CAPZB: variants seen among roughly 807,000 people sequenced by gnomAD.
CAPZB encodes capping actin protein of muscle Z-line subunit beta, also known as F-actin-capping protein subunit beta.
In CAPZB, 2 loss-of-function variants were observed where a neutral mutation model predicts 38.1. The ratio of observed to expected loss-of-function variants is 0.05; its 90% CI spans 0.02 to 0.17. The LOEUF (loss-of-function observed/expected upper bound fraction) is 0.17. Ranked by LOEUF, CAPZB falls within the 10% of genes least tolerant of loss-of-function variation. The pLI is 1.00. For missense variants in CAPZB, 161 were observed against 334.2 expected, an observed-to-expected ratio of 0.48 and a Z score of 4.04; for synonymous variants, 107 against 127.4, an observed-to-expected ratio of 0.84 and a Z score of 1.08.
At position 19,357,925 on chromosome 1, in the gene CAPZB, C is replaced by T. The variant is rs566279013; in HGVS notation, c.330-362G>A. On this transcript the variant is annotated intron_variant, in intron 4 of 8. Transcript: ENST00000264202. The surrounding 1 kb of genome is among the most constrained non-coding windows in gnomAD (Gnocchi z 4.3). The stretch of plus-strand genomic sequence containing the variant: ...CAGGCCATGACTACTGGAGTCACCA[C>T]GGTTGTTCGATATTTCTGTCTTTTG... Among the ~76,000 whole-genome samples the T allele has an allele frequency of 1.3e-5, 2 of 152,216 alleles. No homozygotes were observed. The highest frequency in any genetic ancestry group is 3.4e-3 in the Middle Eastern group (1 of 294).
chr1:19,459,835 C>T (rs937141609), intron 1 of CAPZB, among the ~76,000 whole-genome samples: 3 of 152,160 alleles, frequency 2.0e-5, no homozygotes, highest in Admixed American at 6.5e-5. Flanking sequence ...CCGCCCCAGA[C>T]GTAAATCATC....
At chr1:19,430,142 G>A (rs2094437342) in intron 1 of CAPZB, among the ~76,000 whole-genome samples, 1 of 152,118 alleles carries the variant, frequency 6.6e-6, no homozygotes, top group Admixed American at 6.5e-5. Context: ...ATCGAAACCA[G>A]ACAACTGTGG....
chr1:19,392,311 G>C (rs1185887831), intron 2 of CAPZB, among the ~76,000 whole-genome samples: 1 of 151,990 alleles, frequency 6.6e-6, no homozygotes, highest in Non-Finnish European at 1.5e-5. Flanking sequence ...AATGACCAAG[G>C]AGCCGGCCCT....
At chr1:19,466,969 T>C (rs897870280) in intron 1 of CAPZB, among the ~76,000 whole-genome samples, 8 of 152,162 alleles carry the variant, frequency 5.3e-5, no homozygotes, top group Admixed American at 5.2e-4. Flanking sequence ...GAGTTATTCA[T>C]AGGAAAAATC....
At position 19,452,062 on chromosome 1, in the gene CAPZB, T is replaced by C. The variant is rs963983626; in HGVS notation, c.4-32312A>G. 2.6e-5 allele frequency among the ~76,000 whole-genome samples: 4 copies of C among 152,056 alleles called. No homozygotes were observed. In the East Asian group the frequency reaches 7.7e-4, roughly 29 times the overall value. ...TGCCCCAACCCATCCTCTCTGCACA[T>C]CTGGGTCAGGGCAAGCTTTCCAAGA... On this transcript the variant is annotated intron_variant, in intron 1 of 8. Transcript: ENST00000264202.
chr1:19,348,912 C>T (rs547248560), intron 6 of CAPZB, among the ~76,000 whole-genome samples: 106 of 152,232 alleles, frequency 7.0e-4, no homozygotes, highest in African/African-American at 2.4e-3. Context: ...CTAGAAAGAC[C>T]GGCTTCTCTG....
intron 8 of CAPZB, among the ~76,000 whole-genome samples, chr1:19,341,426 G>A (rs1411679726): frequency 6.6e-6 from 1 of 152,200 alleles, no homozygotes; most frequent in Non-Finnish European, 1.5e-5. Context: ...CCAGGTCTTG[G>A]CTGGATCACA....
At chr1:19,455,158 C>T (rs1414393870) in intron 1 of CAPZB, among the ~76,000 whole-genome samples, 1 of 152,152 alleles carries the variant, frequency 6.6e-6, no homozygotes, top group African/African-American at 2.4e-5. Flanking sequence ...TTCATGCCTC[C>T]CGTCCCGGGA....
At position 19,483,826 on chromosome 1, in the gene CAPZB, T is replaced by C. The variant is rs2094639863; in HGVS notation, c.3+1610A>G. 2.0e-5 allele frequency among the ~76,000 whole-genome samples: 3 copies of C among 152,222 alleles called. No individual in the cohort carries two copies. In the South Asian group the frequency reaches 6.2e-4, roughly 31 times the overall value. ...GCCTTAAAAGTGGCATTGCCCATGT[T>C]TTTAATCAGCATACAGGAAGGCATC... On this transcript the variant is annotated intron_variant, in intron 1 of 8. Coordinates refer to ENST00000264202, the MANE Select transcript of CAPZB (RefSeq NM_004930.5).
Position 19,390,071 on chromosome 1 carries a change from A to T in CAPZB, c.94-4445T>A, listed in dbSNP as rs113197628. 6.4e-3 allele frequency among the ~76,000 whole-genome samples: 977 copies of T among 152,286 alleles called. 11 individuals carry two copies. The highest frequency in any genetic ancestry group is 0.022 in the African/African-American group (909 of 41,556). ...ATGCATGCTGATTCCATGTAAGTGGATATTAATCCTGTGGTCTGAGGCCAT... is the reference window on the plus strand; with the variant it reads ...ATGCATGCTGATTCCATGTAAGTGGTTATTAATCCTGTGGTCTGAGGCCAT... On this transcript the variant is annotated intron_variant, in intron 2 of 8. Coordinates refer to ENST00000264202, the MANE Select transcript of CAPZB (RefSeq NM_004930.5).
chr1:19,356,501 T>C lies in CAPZB; in HGVS notation c.588+134A>G, dbSNP rs2100314281. 1 of 740,754 alleles carries C rather than the reference T, an allele frequency of 1.3e-6. No homozygotes were observed. Among genetic ancestry groups the C allele is most frequent in the East Asian group, 2.5e-5 (1 of 40,640 alleles). 45.9% of individuals were successfully genotyped at this position (740,754 alleles called of 1,614,324 possible). A position where few individuals can be genotyped will look rare whatever the true frequency, so the allele number is the denominator to read the frequency against. ...GCTTTTATTTGAAAATGCAAAGCCC[T>C]ACTTAGATGGTGGATTTATAGCTGG... On this transcript the variant is annotated intron_variant, in intron 6 of 8. Coordinates refer to ENST00000264202, the MANE Select transcript of CAPZB (RefSeq NM_004930.5). The surrounding 1 kb of genome is among the most constrained non-coding windows in gnomAD (Gnocchi z 4.3).
intron 4 of CAPZB, among the ~76,000 whole-genome samples, chr1:19,359,496 G>A (rs1054745454): frequency 2.6e-5 from 4 of 152,258 alleles, no homozygotes; most frequent in Admixed American, 2.0e-4. Flanking sequence ...CAGCCCCTGC[G>A]GCAGGACCAC....
At chr1:19,365,533 A>G (rs142855573) in intron 4 of CAPZB, among the ~76,000 whole-genome samples, 1 of 152,282 alleles carries the variant, frequency 6.6e-6, no homozygotes, top group Non-Finnish European at 1.5e-5. Context: ...TGGAGTCAGT[A>G]TAAAGATGGA....
chr1:19,431,010 C>T (rs912162653), intron 1 of CAPZB, among the ~76,000 whole-genome samples: 1 of 152,162 alleles, frequency 6.6e-6, no homozygotes, highest in African/African-American at 2.4e-5. Context: ...CTTTAAAACA[C>T]AGAATCAACA....
intron 1 of CAPZB, among the ~76,000 whole-genome samples, chr1:19,453,007 G>A (rs1416943382): frequency 1.3e-5 from 2 of 151,838 alleles, no homozygotes; most frequent in African/African-American, 4.8e-5. Flanking sequence ...GTTTCACCAT[G>A]CTGGCCAGGC....
At chr1:19,363,503 A>G (rs538415922) in intron 4 of CAPZB, among the ~76,000 whole-genome samples, 9 of 152,294 alleles carry the variant, frequency 5.9e-5, no homozygotes, top group Admixed American at 3.3e-4. Flanking sequence ...AGTCACGGAT[A>G]TAGATTCTAT....
At chr1:19,363,863 C>T (rs1030759481) in intron 4 of CAPZB, among the ~76,000 whole-genome samples, 1 of 152,204 alleles carries the variant, frequency 6.6e-6, no homozygotes, top group Admixed American at 6.5e-5. Flanking sequence ...AATACAAAGG[C>T]TCCCAACAGA....
At chr1:19,411,977 G>A (rs184496697) in intron 2 of CAPZB, among the ~76,000 whole-genome samples, 11 of 152,298 alleles carry the variant, frequency 7.2e-5, no homozygotes, top group African/African-American at 2.2e-4. Context: ...GGCACCCACC[G>A]TCCAGAGCAT....
intron 1 of CAPZB, among the ~76,000 whole-genome samples, chr1:19,473,496 T>G (rs1383856080): frequency 6.6e-6 from 1 of 152,204 alleles, no homozygotes; most frequent in East Asian, 1.9e-4. Context: ...CCCTAGAGCC[T>G]GAAAGTCAGG....
Sources: allele counts gnomAD v4.1 joint callset (sites outside exome capture counted in the v4.1 genomes callset), GRCh38; gene constraint gnomAD v4.1.1; non-coding constraint Gnocchi (gnomAD v3.1); transcripts MANE v1.5; gene names NCBI Gene and HGNC (gene_info 2026-07-23, HGNC 2026-07-21).